Variants in KDR observed in about 807,000 individuals in gnomAD.
The protein encoded by KDR is vascular endothelial growth factor receptor 2.
Under a neutral mutation model 160.9 loss-of-function variants are expected in KDR, and 43 were observed. The observed-to-expected ratio is 0.27, with a 90% CI of 0.21 to 0.34. KDR has a LOEUF of 0.34. Among genes scored for constraint, KDR ranks in the 10% least tolerant of loss-of-function variants. The pLI is 1.00. For synonymous variants in KDR, 617 were observed against 600.1 expected, an observed-to-expected ratio of 1.03 and a Z score of -0.41; for missense variants, 1,469 against 1,666.4, an observed-to-expected ratio of 0.88 and a Z score of 2.06.
chr4:55,095,658 G>T lies in KDR; in HGVS notation c.2736C>A (p.Leu912=). ...LGACTKPGGP[L]MVIVEFCKFG... ...ATTTGCAGAATTCCACAATCACCAT[G>T]AGTGGCCCTGCAGGCAGCATGTCCA... The change falls in exon 20 of 30, where the codon CTC becomes CTA. Residue 912 remains leucine, a synonymous_variant. Coordinates refer to ENST00000263923, the MANE Select transcript of KDR (RefSeq NM_002253.4). The T allele has an allele frequency of 6.2e-7, 1 of 1,612,638 alleles. No homozygotes were observed. The highest frequency in any genetic ancestry group is 1.1e-5 in the South Asian group (1 of 91,044).
chr4:55,119,131 C>T (rs1229637190), intron 2 of KDR, among the ~76,000 whole-genome samples: 1 of 151,998 alleles, frequency 6.6e-6, no homozygotes, highest in Non-Finnish European at 1.5e-5. Flanking sequence ...ATTGCTTGAA[C>T]CCGGGAGGTG....
chr4:55,082,480 G>A (rs1214968816), intron 28 of KDR, 56 bp downstream of exon 28: 1 of 1,289,752 alleles, frequency 7.8e-7, no homozygotes, highest in African/African-American at 1.5e-5. Flanking sequence ...TATTTATCTA[G>A]CTAGTGTTTC....
At chr4:55,115,487 C>T in intron 3 of KDR, 76 bp from the exon 4 acceptor site, 1 of 795,726 alleles carries the variant, frequency 1.3e-6, no homozygotes, top group Non-Finnish European at 2.2e-6. Context: ...GGTTCCTAAA[C>T]TCTAACCAGA....
intron 22 of KDR, 146 bp downstream of exon 22, chr4:55,092,469 CAG>C: frequency 4.3e-6 from 3 of 698,904 alleles, no homozygotes; most frequent in East Asian, 5.5e-5. Flanking sequence ...TCAGCAGAAA[CAG>C]AGCCTCCCCA....
chr4:55,124,971 T>A (rs7666097), intron 1 of KDR, among the ~76,000 whole-genome samples: 5 of 152,188 alleles, frequency 3.3e-5, no homozygotes, highest in Non-Finnish European at 7.3e-5. Flanking sequence ...TCTCAGGACA[T>A]GCTCCAGCCG....
At chr4:55,116,417 CAAAAA>C (rs66997115) in intron 3 of KDR, among the ~76,000 whole-genome samples, 3 of 94,738 alleles carry the variant, frequency 3.2e-5, no homozygotes, top group Non-Finnish European at 2.1e-5. Context: ...AACTCCGTCT[CAAAAA>C]AAAAAAAAAA....
intron 7 of KDR, among the ~76,000 whole-genome samples, chr4:55,111,636 C>G (rs1257384017): frequency 6.6e-6 from 1 of 152,194 alleles, no homozygotes; most frequent in African/African-American, 2.4e-5. Flanking sequence ...TTCTGGAAAA[C>G]AAAAGTAATT....
chr4:55,119,422 C>T (rs370569862), intron 2 of KDR, among the ~76,000 whole-genome samples: 1 of 152,190 alleles, frequency 6.6e-6, no homozygotes, highest in African/African-American at 2.4e-5. Context: ...AAATCAATGC[C>T]TTTATGGAAC....
chr4:55,106,070 G>A (rs1205771523), intron 11 of KDR, 130 bp from the exon 12 acceptor site: 13 of 750,536 alleles, frequency 1.7e-5, no homozygotes, highest in Admixed American at 3.7e-5. Flanking sequence ...GGTTGGACAC[G>A]CTCAAATTTA....
At chr4:55,092,295 G>T (rs944538492) in intron 22 of KDR, 3 of 369,086 alleles carry the variant, frequency 8.1e-6, no homozygotes, top group South Asian at 2.5e-5. Context: ...ATTGCTTATT[G>T]TTTGCTCTAC....
Position 55,092,671 on chromosome 4 carries a change from G to C in KDR, c.3015C>G (p.Leu1005=), listed in dbSNP as rs1720048897. The change falls in exon 22 of 30, where the codon CTC becomes CTG. Residue 1005 remains leucine (L), a synonymous_variant. Transcript: ENST00000263923. ...LYKDFLTLEH[L]ICYSFQVAKG... ...TAGCCACTTGGAAGCTGTAACAGAT[G>C]AGATGCTCCAAGGTCAGGAAGTCCT... is the stretch of plus-strand genomic sequence containing the variant. 6.2e-7 allele frequency: 1 copy of C among 1,614,002 alleles called. No individual in the cohort carries two copies. Among genetic ancestry groups the C allele is most frequent in the South Asian group, 1.1e-5 (1 of 91,078 alleles).
chr4:55,079,633 C>CA lies in KDR; in HGVS notation c.*307dup. On this transcript the variant is annotated 3_prime_UTR_variant, in exon 30 of 30. Coordinates refer to ENST00000263923, the MANE Select transcript of KDR (RefSeq NM_002253.4). ...ACTGCTACTTCTTTGAGGATGGGGCCATTTCTTGAACGTCTTTGTTCTAAA... is the reference window on the plus strand; with the variant it reads ...ACTGCTACTTCTTTGAGGATGGGGCCAATTTCTTGAACGTCTTTGTTCTAAA... 2.2e-6 allele frequency: 1 copy of CA among 451,168 alleles called. No homozygotes were observed. The highest frequency in any genetic ancestry group is 4.1e-6 in the Non-Finnish European group (1 of 244,652). The allele number at this position is 451,168 out of a possible 1,614,324, so 27.9% of individuals were successfully genotyped here.
chr4:55,111,994 C>T (rs2110029242), intron 7 of KDR, among the ~76,000 whole-genome samples: 1 of 152,284 alleles, frequency 6.6e-6, no homozygotes, highest in East Asian at 1.9e-4. Flanking sequence ...GATGCATTCT[C>T]ATAATATAAA....
intron 10 of KDR, 82 bp from the exon 11 acceptor site, chr4:55,106,892 T>C: frequency 1.6e-6 from 2 of 1,246,054 alleles, no homozygotes; most frequent in Non-Finnish European, 1.2e-6. Context: ...ATTCAGACTT[T>C]GGTTATTCTG....
In KDR at chr4:55,078,768, T is replaced by TCTATA. The variant is rs1294887527; in HGVS notation, c.*1168_*1172dup. ...AAGGGCAAAAATCAGTAGAAATAGC[T>TCTATA]CTATATGTTAAAAGTCTAAATAATA... is the stretch of plus-strand genomic sequence containing the variant. On this transcript the variant is annotated 3_prime_UTR_variant, in exon 30 of 30. Transcript: ENST00000263923. 1.7e-5 allele frequency: 4 copies of TCTATA among 232,788 alleles called. No individual in the cohort carries two copies. The highest frequency in any genetic ancestry group is 3.4e-5 in the Non-Finnish European group (4 of 117,866). 14.4% of individuals were successfully genotyped at this position (232,788 alleles called of 1,614,324 possible).
Position 55,087,660 on chromosome 4 carries a change from C to T in KDR, c.3609G>A (p.Glu1203=), listed in dbSNP as rs1011564548. Residue 1203 remains glutamate, a synonymous_variant, in exon 27 of 30, where the codon GAG becomes GAA. Transcript: ENST00000263923. ...ATTTGGGGTCACATACTTCCTCCTC[C>T]TCCATACAGGAAACAGGTGAGGTAG... The part of the protein sequence containing the change: ...SLPTSPVSCM[E]EEEVCDPKFH... 2.5e-6 allele frequency: 4 copies of T among 1,613,982 alleles called. No individual in the cohort carries two copies. In the African/African-American group the frequency reaches 5.3e-5, roughly 22 times the overall value.
Position 55,079,791 on chromosome 4 carries a change from G to A in KDR, c.*150C>T. The A allele has an allele frequency of 1.4e-6, 1 of 719,678 alleles. No homozygotes were observed. Among genetic ancestry groups the A allele is most frequent in the South Asian group, 1.6e-5 (1 of 63,556 alleles). The allele number at this position is 719,678 out of a possible 1,614,324, so 44.6% of individuals were successfully genotyped here. A position where few individuals can be genotyped will look rare whatever the true frequency, so the allele number is the denominator to read the frequency against. On this transcript the variant is annotated 3_prime_UTR_variant, in exon 30 of 30. Coordinates refer to ENST00000263923, the MANE Select transcript of KDR (RefSeq NM_002253.4). ...AGCCTCTTCCAGGATATGCCTAGAA[G>A]ACTGGCTCCCTGCAGTCCGAGGTCC...
intron 15 of KDR, 60 bp from the exon 16 acceptor site, chr4:55,098,863 G>A (rs1432938922): frequency 7.3e-7 from 1 of 1,365,092 alleles, no homozygotes; most frequent in Non-Finnish European, 1.0e-6. Context: ...TTGTTTGTAA[G>A]ATGACAAATT....
chr4:55,089,212 A>G (rs901444520), intron 25 of KDR, among the ~76,000 whole-genome samples, 162 bp downstream of exon 25: 5 of 152,334 alleles, frequency 3.3e-5, no homozygotes, highest in Middle Eastern at 3.4e-3. Context: ...CTATCTTTTC[A>G]AGAAGTGATG....
Sources: gnomAD v4.1 joint callset for allele counts (sites outside exome capture counted in the v4.1 genomes callset) on GRCh38, gnomAD v4.1.1 for gene constraint, MANE v1.5 for transcripts, NCBI Gene and HGNC (gene_info 2026-07-23, HGNC 2026-07-21) for gene names.